The following CDH9 variants were observed in gnomAD, a reference collection of about 807,000 sequenced individuals.
CDH9 encodes the protein cadherin-9.
CDH9 carries 28 observed loss-of-function variants against 70.9 expected under a neutral mutation model. The observed-to-expected ratio is 0.40, with a 90% CI of 0.29 to 0.54. The LOEUF (loss-of-function observed/expected upper bound fraction) is 0.54, where lower values mean the gene tolerates loss of function less well. Among genes scored for constraint, CDH9 ranks in the 20% least tolerant of loss-of-function variants. CDH9 has a pLI of 0.59. For synonymous variants in CDH9, 409 were observed against 343.1 expected (o/e 1.19, Z -2.12); for missense variants, 874 against 984.4 (o/e 0.89, Z 1.50).
Position 26,988,122 on chromosome 5 carries a change from G to A in CDH9, c.212C>T (p.Thr71Ile). The change falls in exon 2 of 12, where the codon ACA becomes ATA. Residue 71 changes from threonine (T) to isoleucine (I), a missense_variant. Coordinates refer to ENST00000231021, the MANE Select transcript of CDH9 (RefSeq NM_016279.4). ...FLLEEYTGTDTQYVGKLHTDQ... is the reference protein window; with the variant it reads ...FLLEEYTGTDIQYVGKLHTDQ... ...AATTCTTACCTTGCCTACATATTGT[G>A]TGTCAGTACCTGTGTACTCTTCCAA... The A allele has an allele frequency of 6.2e-7, 1 of 1,608,926 alleles. No homozygotes were observed. Among genetic ancestry groups the A allele is most frequent in the South Asian group, 1.1e-5 (1 of 90,656 alleles).
intron 1 of CDH9, among the ~76,000 whole-genome samples, chr5:27,004,315 G>T (rs948429879): frequency 6.6e-6 from 1 of 151,982 alleles, no homozygotes; most frequent in Admixed American, 6.6e-5. Flanking sequence ...GAACAAAAGT[G>T]CCCCTACAGC....
chr5:26,936,942 A>G (rs1741569823), intron 2 of CDH9, among the ~76,000 whole-genome samples: 1 of 152,134 alleles, frequency 6.6e-6, no homozygotes. Context: ...ACTTTTAGGC[A>G]ATAACATAGG....
rs191267051 is a variant in CDH9 at position 26,958,924 on chromosome 5, G to C, written c.228+29182C>G. ...CAAAACTCTTAGGAGAAAACATAAA[G>C]GTAAATCTTCATGACCTGAATTTGG... is the stretch of plus-strand genomic sequence containing the variant. On this transcript the variant is annotated intron_variant, in intron 2 of 11. Transcript: ENST00000231021. 3.1e-3 allele frequency among the ~76,000 whole-genome samples: 464 copies of C among 152,126 alleles called. 1 individual carries two copies. Among genetic ancestry groups the C allele is most frequent in the Non-Finnish European group, 4.1e-3 (279 of 67,974 alleles).
chr5:27,006,910 A>G (rs1166173055), intron 1 of CDH9, among the ~76,000 whole-genome samples: 4 of 152,150 alleles, frequency 2.6e-5, no homozygotes, highest in African/African-American at 4.8e-5. Context: ...TTTTCACTCT[A>G]GAAACATAGT....
intron 2 of CDH9, among the ~76,000 whole-genome samples, chr5:26,936,315 A>G (rs947557555): frequency 6.6e-6 from 1 of 152,142 alleles, no homozygotes; most frequent in Non-Finnish European, 1.5e-5. Context: ...GTAATTAAAA[A>G]GACAAAATTA....
At chr5:27,036,685 A>G (rs1743399318) in intron 1 of CDH9, among the ~76,000 whole-genome samples, 1 of 151,780 alleles carries the variant, frequency 6.6e-6, no homozygotes, top group East Asian at 1.9e-4. Flanking sequence ...TTTTCTATTT[A>G]TTTCCAGAAT....
intron 2 of CDH9, among the ~76,000 whole-genome samples, chr5:26,975,026 T>C (rs1742282032): frequency 6.6e-6 from 1 of 152,070 alleles, no homozygotes; most frequent in African/African-American, 2.4e-5. Context: ...ATACATATAA[T>C]AGAATAAAAA....
At chr5:26,927,200 C>T (rs1381124257) in intron 2 of CDH9, among the ~76,000 whole-genome samples, 1 of 151,924 alleles carries the variant, frequency 6.6e-6, no homozygotes, top group Non-Finnish European at 1.5e-5. Context: ...TAGAATTCAA[C>T]ATCCCTTCAT....
chr5:26,920,563 A>G (rs958868212), intron 2 of CDH9, among the ~76,000 whole-genome samples: 1 of 152,046 alleles, frequency 6.6e-6, no homozygotes, highest in African/African-American at 2.4e-5. Flanking sequence ...CTTGGGAGAC[A>G]CCCAGTGCAG....
At chr5:27,011,322 G>A (rs547642387) in intron 1 of CDH9, among the ~76,000 whole-genome samples, 9 of 152,122 alleles carry the variant, frequency 5.9e-5, no homozygotes, top group East Asian at 3.9e-4. Flanking sequence ...AGGTTAAGAC[G>A]AAGTCTTTCT....
chr5:26,899,882 GA>G (rs1009390291), intron 7 of CDH9, among the ~76,000 whole-genome samples: 4 of 146,976 alleles, frequency 2.7e-5, no homozygotes, highest in Admixed American at 6.8e-5. Flanking sequence ...AAAAAAAAAA[GA>G]AAAAAATAAG....
rs143032823 is a variant in CDH9, at chr5:26,923,412, T to C, written c.229-7488A>G. 3.1e-3 allele frequency among the ~76,000 whole-genome samples: 468 copies of C among 152,060 alleles called. 3 individuals carry two copies. The highest frequency in any genetic ancestry group is 0.011 in the African/African-American group (449 of 41,542). On this transcript the variant is annotated intron_variant, in intron 2 of 11. Transcript: ENST00000231021. ...CCTATATATAAAACCTTAGCACACCTATATATACAAAGCAAACATTATTAG... is the reference window on the plus strand; with the variant it reads ...CCTATATATAAAACCTTAGCACACCCATATATACAAAGCAAACATTATTAG...
At chr5:27,024,280 T>C (rs1395515833) in intron 1 of CDH9, among the ~76,000 whole-genome samples, 2 of 152,022 alleles carry the variant, frequency 1.3e-5, no homozygotes, top group Admixed American at 6.6e-5. Flanking sequence ...TTTTTAACTA[T>C]TTTTCAATTT....
intron 2 of CDH9, among the ~76,000 whole-genome samples, chr5:26,986,744 G>T (rs976843094): frequency 2.6e-5 from 4 of 151,968 alleles, no homozygotes; most frequent in South Asian, 2.1e-4. Flanking sequence ...AAAAACATTT[G>T]CTAGCTGAAC....
At chr5:26,931,458 A>T (rs1475058639) in intron 2 of CDH9, among the ~76,000 whole-genome samples, 1 of 152,190 alleles carries the variant, frequency 6.6e-6, no homozygotes, top group Non-Finnish European at 1.5e-5. Context: ...AAAGAGGTGA[A>T]AGTTTTGACA....
intron 2 of CDH9, among the ~76,000 whole-genome samples, chr5:26,923,092 A>C (rs1443506361): frequency 3.6e-4 from 54 of 150,650 alleles, no homozygotes; most frequent in African/African-American, 9.4e-4. Context: ...AAAAACACAA[A>C]AAAAAAACAA....
chr5:27,007,620 T>C (rs1325598262), intron 1 of CDH9, among the ~76,000 whole-genome samples: 2 of 152,074 alleles, frequency 1.3e-5, no homozygotes, highest in Non-Finnish European at 2.9e-5. Context: ...ATATGGACTA[T>C]TACATAGGAA....
intron 7 of CDH9, 139 bp downstream of exon 7, chr5:26,902,335 TCA>T: frequency 3.3e-6 from 2 of 611,436 alleles, no homozygotes; most frequent in East Asian, 2.8e-5. Flanking sequence ...AACCATTTTT[TCA>T]CACAGTTTGT....
intron 7 of CDH9, among the ~76,000 whole-genome samples, chr5:26,900,038 T>C (rs1740826988): frequency 6.6e-6 from 1 of 151,966 alleles, no homozygotes; most frequent in Non-Finnish European, 1.5e-5. Context: ...CAAAGGATAA[T>C]GTGAAAATAT....
Sources: gnomAD v4.1 joint callset for allele counts (sites outside exome capture counted in the v4.1 genomes callset) on GRCh38, gnomAD v4.1.1 for gene constraint, MANE v1.5 for transcripts, NCBI Gene and HGNC (gene_info 2026-07-23, HGNC 2026-07-21) for gene names.